The following THSD4 variants were observed in gnomAD, a reference collection of about 807,000 sequenced individuals.
THSD4 encodes thrombospondin type-1 domain-containing protein 4.
In THSD4, 69 loss-of-function variants were observed where a neutral mutation model predicts 119.0. The observed-to-expected ratio is 0.58, with a 90% confidence interval of 0.48 to 0.71. The LOEUF (loss-of-function observed/expected upper bound fraction) is 0.71, where lower values mean the gene tolerates loss of function less well. Ranked by LOEUF, THSD4 falls within the 30% of genes least tolerant of loss-of-function variation. The pLI is 0.00. For missense variants in THSD4, 1,393 were observed against 1,391.1 expected, an observed-to-expected ratio of 1.00 and a Z score of -0.02; for synonymous variants, 524 against 540.4, an observed-to-expected ratio of 0.97 and a Z score of 0.42.
At chr15:71,509,085 A>G (rs923369634) in intron 7 of THSD4, among the ~76,000 whole-genome samples, 4 of 152,134 alleles carry the variant, frequency 2.6e-5, no homozygotes, top group Non-Finnish European at 4.4e-5. Flanking sequence ...TCATACTCCT[A>G]CATGTCATGT....
intron 15 of THSD4, among the ~76,000 whole-genome samples, chr15:71,761,891 C>T (rs995583425): frequency 1.1e-4 from 16 of 152,198 alleles, no homozygotes; most frequent in Non-Finnish European, 1.3e-4. Context: ...GTCAGGCCAG[C>T]CCGGCTGCTC....
At chr15:71,532,297 T>A (rs375261558) in intron 7 of THSD4, among the ~76,000 whole-genome samples, 2,613 of 76,874 alleles carry the variant, frequency 0.034, 71 homozygotes, top group African/African-American at 0.091. Context: ...TGTGTGTGTG[T>A]GTGTGTGTGT....
At chr15:71,527,763 A>G (rs1595859542) in intron 7 of THSD4, among the ~76,000 whole-genome samples, 1 of 116,972 alleles carries the variant, frequency 8.5e-6, no homozygotes, top group Non-Finnish European at 1.6e-5. Flanking sequence ...CCCAGGCTGG[A>G]GTGCAGTGGC....
intron 6 of THSD4, among the ~76,000 whole-genome samples, chr15:71,326,104 C>G (rs1216233955): frequency 6.6e-6 from 1 of 152,108 alleles, no homozygotes; most frequent in Admixed American, 6.6e-5. Flanking sequence ...GGGTATAGCA[C>G]GAAGTAGATG....
intron 7 of THSD4, among the ~76,000 whole-genome samples, chr15:71,414,089 T>C (rs146574786): frequency 6.6e-6 from 1 of 152,304 alleles, no homozygotes; most frequent in East Asian, 1.9e-4. Flanking sequence ...TGGGTTCAAG[T>C]CATGCCTCTT....
intron 1 of THSD4, among the ~76,000 whole-genome samples, chr15:71,117,071 G>A (rs1244127556): frequency 3.3e-5 from 5 of 152,060 alleles, no homozygotes; most frequent in Non-Finnish European, 1.5e-5. Context: ...TTTCCCAGAG[G>A]TCTGGGCCTG....
intron 7 of THSD4, among the ~76,000 whole-genome samples, chr15:71,584,403 G>A (rs2049623308): frequency 6.6e-6 from 1 of 150,880 alleles, no homozygotes; most frequent in Non-Finnish European, 1.5e-5. Flanking sequence ...TAAGTAGCTG[G>A]GATTACAGGC....
In THSD4 at chr15:71,420,924, C is replaced by T. The variant is rs1336469456; in HGVS notation, c.1152+9101C>T. Reference sequence around the variant, plus strand: ...AGTGGTGGCCAGGTGCAGTGGCTCACACCTGTAATCCTAGCACTTTGGGAT... The same window carrying T: ...AGTGGTGGCCAGGTGCAGTGGCTCATACCTGTAATCCTAGCACTTTGGGAT... On this transcript the variant is annotated intron_variant, in intron 7 of 17. Transcript: ENST00000261862. Among the ~76,000 whole-genome samples the T allele has an allele frequency of 2.9e-5, 3 of 104,506 alleles. 1 individual carries two copies. Among genetic ancestry groups the T allele is most frequent in the African/African-American group, 9.8e-5 (3 of 30,590 alleles). 68.6% of individuals were successfully genotyped at this position (104,506 alleles called of 152,430 possible). A position where few individuals can be genotyped will look rare whatever the true frequency, so the allele number is the denominator to read the frequency against.
intron 8 of THSD4, among the ~76,000 whole-genome samples, chr15:71,704,891 T>C (rs114027986): frequency 2.0e-3 from 298 of 152,286 alleles, no homozygotes; most frequent in African/African-American, 6.6e-3. Context: ...GAGAAGTACA[T>C]AGTGATACCA....
intron 5 of THSD4, among the ~76,000 whole-genome samples, chr15:71,251,145 A>G (rs1306470841): frequency 6.6e-6 from 1 of 152,198 alleles, no homozygotes; most frequent in African/African-American, 2.4e-5. Flanking sequence ...CATATTTGAA[A>G]AATGTGCAAG....
intron 7 of THSD4, among the ~76,000 whole-genome samples, chr15:71,649,868 G>C (rs1464601228): frequency 1.3e-5 from 2 of 152,192 alleles, no homozygotes; most frequent in South Asian, 4.1e-4. Flanking sequence ...AGTTCTTTCA[G>C]TTCTGTGATA....
At chr15:71,772,375 A>T (rs945297353) in intron 17 of THSD4, among the ~76,000 whole-genome samples, 3 of 152,228 alleles carry the variant, frequency 2.0e-5, no homozygotes, top group African/African-American at 7.2e-5. Flanking sequence ...CTACCAAAAA[A>T]ACCCATAAAT....
chr15:71,642,448 G>T (rs7172706), intron 7 of THSD4, among the ~76,000 whole-genome samples: 1 of 151,442 alleles, frequency 6.6e-6, no homozygotes, highest in Non-Finnish European at 1.5e-5. Context: ...TCCCATTACT[G>T]GGTATATACC....
At chr15:71,636,755 G>A (rs911506984) in intron 7 of THSD4, among the ~76,000 whole-genome samples, 49 of 152,176 alleles carry the variant, frequency 3.2e-4, no homozygotes, top group South Asian at 1.2e-3. Flanking sequence ...GCTGGTCCCC[G>A]AGGACCTCCC....
At chr15:71,773,913 G>A (rs767586936) in intron 17 of THSD4, among the ~76,000 whole-genome samples, 1 of 152,098 alleles carries the variant, frequency 6.6e-6, no homozygotes, top group Non-Finnish European at 1.5e-5. Flanking sequence ...TCAAATAAAT[G>A]TCACTCAAGT....
chr15:71,446,727 C>A (rs958101933), intron 7 of THSD4, among the ~76,000 whole-genome samples: 1 of 152,112 alleles, frequency 6.6e-6, no homozygotes, highest in African/African-American at 2.4e-5. Context: ...TTCATTTTTT[C>A]TCTCTGCCAA....
chr15:71,551,248 A>T (rs2048922889), intron 7 of THSD4, among the ~76,000 whole-genome samples: 2 of 152,218 alleles, frequency 1.3e-5, no homozygotes, highest in African/African-American at 4.8e-5. Context: ...CACCATTGCA[A>T]ATGCTACCAA....
chr15:71,743,361 A>G (rs1162449190), intron 11 of THSD4, among the ~76,000 whole-genome samples: 1 of 152,238 alleles, frequency 6.6e-6, no homozygotes, highest in African/African-American at 2.4e-5. Context: ...CTAAGTGGAA[A>G]AGCTAAACCC....
chr15:71,406,775 G>A (rs756810137), intron 6 of THSD4, among the ~76,000 whole-genome samples: 12 of 151,740 alleles, frequency 7.9e-5, no homozygotes, highest in Non-Finnish European at 1.8e-4. Flanking sequence ...CGCCTCCCGA[G>A]TTCAAGCAAT....
Sources: allele counts gnomAD v4.1 joint callset (sites outside exome capture counted in the v4.1 genomes callset), GRCh38; gene constraint gnomAD v4.1.1; transcripts MANE v1.5; gene names NCBI Gene and HGNC (gene_info 2026-07-23, HGNC 2026-07-21).